RIN2: variants seen among roughly 807,000 people sequenced by gnomAD.
RIN2 encodes Ras and Rab interactor 2.
Under a neutral mutation model 78.0 loss-of-function variants are expected in RIN2, and 36 were observed. That is an observed-to-expected ratio of 0.46 (90% CI 0.35 to 0.61). The LOEUF (loss-of-function observed/expected upper bound fraction) is 0.61. Among genes scored for constraint, RIN2 ranks in the 20% least tolerant of loss-of-function variants. RIN2 has a pLI of 0.00. For missense variants in RIN2, 1,087 were observed against 1,159.7 expected, an observed-to-expected ratio of 0.94 and a Z score of 0.91; for synonymous variants, 466 against 466.8, an observed-to-expected ratio of 1.00 and a Z score of 0.02.
intron 1 of RIN2, among the ~76,000 whole-genome samples, chr20:19,768,295 G>C (rs1432160965): frequency 6.6e-6 from 1 of 152,262 alleles, no homozygotes; most frequent in African/African-American, 2.4e-5. Context: ...AAACAGGAGA[G>C]TGGGGAAAGG....
chr20:19,956,917 A>C lies in RIN2; in HGVS notation c.351+110A>C, dbSNP rs1288386753. The C allele has an allele frequency of 1.1e-5, 9 of 853,598 alleles. No homozygotes were observed. In the South Asian group the frequency reaches 1.5e-4, roughly 14 times the overall value. The allele number at this position is 853,598 out of a possible 1,614,324, so 52.9% of individuals were successfully genotyped here. A position where few individuals can be genotyped will look rare whatever the true frequency, so the allele number is the denominator to read the frequency against. On this transcript the variant is annotated intron_variant, in intron 5 of 12. Transcript: ENST00000255006. ...AATTTCTTCCTAGCTTGTAAGGAGCATGTCTCTTGATGTGTAACTGGTTTT... is the reference window on the plus strand; with the variant it reads ...AATTTCTTCCTAGCTTGTAAGGAGCCTGTCTCTTGATGTGTAACTGGTTTT...
At chr20:19,873,762 C>A (rs1297223754) in intron 2 of RIN2, among the ~76,000 whole-genome samples, 1 of 152,164 alleles carries the variant, frequency 6.6e-6, no homozygotes, top group African/African-American at 2.4e-5. Context: ...GGGCAACATT[C>A]ATCTGCATTA....
At chr20:19,909,156 G>A (rs1007244649) in intron 3 of RIN2, among the ~76,000 whole-genome samples, 3 of 152,054 alleles carry the variant, frequency 2.0e-5, no homozygotes, top group South Asian at 2.1e-4. Context: ...GAGCCACCGC[G>A]CCCAGTCTGC....
At chr20:19,814,958 C>A (rs1232167645) in intron 2 of RIN2, among the ~76,000 whole-genome samples, 1 of 152,098 alleles carries the variant, frequency 6.6e-6, no homozygotes, top group South Asian at 2.1e-4. Context: ...AAATCCTATC[C>A]AAATATTAAT....
chr20:19,914,091 A>T (rs1384991175), intron 3 of RIN2, among the ~76,000 whole-genome samples: 3 of 152,234 alleles, frequency 2.0e-5, no homozygotes, highest in South Asian at 2.1e-4. Context: ...GGTGGCTTTA[A>T]TAACAGTATT....
intron 1 of RIN2, among the ~76,000 whole-genome samples, chr20:19,781,298 T>A (rs2034496070): frequency 6.6e-6 from 1 of 152,160 alleles, no homozygotes; most frequent in Admixed American, 6.5e-5. Context: ...AGTGACTACA[T>A]GTTGTAAGGA....
At chr20:19,882,615 G>T (rs562952570) in intron 2 of RIN2, among the ~76,000 whole-genome samples, 1 of 152,310 alleles carries the variant, frequency 6.6e-6, no homozygotes, top group Non-Finnish European at 1.5e-5. Context: ...GGATTCTGTG[G>T]ATTACGGGCT....
At chr20:19,999,852 A>T (rs2043088123) in intron 12 of RIN2, among the ~76,000 whole-genome samples, 1 of 152,198 alleles carries the variant, frequency 6.6e-6, no homozygotes, top group Non-Finnish European at 1.5e-5. Context: ...CAAAATCAAC[A>T]TTCTTCTCCT....
At position 19,935,290 on chromosome 20, in the gene RIN2, A is replaced by C. The variant is rs1198453707; in HGVS notation, c.158+91A>C. The C allele has an allele frequency of 3.8e-6, 5 of 1,315,672 alleles. No homozygotes were observed. In the Admixed American group the frequency reaches 1.2e-4, roughly 32 times the overall value. 81.5% of individuals were successfully genotyped at this position (1,315,672 alleles called of 1,614,324 possible). On this transcript the variant is annotated intron_variant, in intron 4 of 12. Coordinates refer to ENST00000255006, the MANE Select transcript of RIN2 (RefSeq NM_018993.4). ...GGGCTGACTTGCAGTCACTCCTCAGAAGTCTGGGAGCTGGGAGTGTGGTAG... is the reference window on the plus strand; with the variant it reads ...GGGCTGACTTGCAGTCACTCCTCAGCAGTCTGGGAGCTGGGAGTGTGGTAG...
chr20:19,810,656 G>T (rs1404153972), intron 2 of RIN2, among the ~76,000 whole-genome samples: 3 of 136,620 alleles, frequency 2.2e-5, no homozygotes, highest in Non-Finnish European at 1.6e-5. Flanking sequence ...TCTTATTGAA[G>T]TTTGATCATG....
intron 1 of RIN2, among the ~76,000 whole-genome samples, chr20:19,762,768 A>G (rs1369522638): frequency 6.6e-6 from 1 of 151,900 alleles, no homozygotes; most frequent in East Asian, 1.9e-4. Context: ...TTATTTATTT[A>G]TTTATTTATT....
At chr20:19,970,709 C>T (rs923512931) in intron 7 of RIN2, 129 bp from the exon 8 acceptor site, 19 of 707,050 alleles carry the variant, frequency 2.7e-5, no homozygotes, top group East Asian at 1.4e-4. Context: ...ATAACTTTGT[C>T]GATATGGTAT....
At chr20:19,776,857 C>G (rs1007229138) in intron 1 of RIN2, among the ~76,000 whole-genome samples, 1 of 152,090 alleles carries the variant, frequency 6.6e-6, no homozygotes, top group African/African-American at 2.4e-5. Context: ...TTGATTATGT[C>G]TTAGATGTAT....
At chr20:19,968,701 TAAA>T (rs2042013733) in intron 7 of RIN2, among the ~76,000 whole-genome samples, 1 of 152,228 alleles carries the variant, frequency 6.6e-6, no homozygotes, top group African/African-American at 2.4e-5. Flanking sequence ...AAGCTTAATA[TAAA>T]CACAGGTTGG....
At chr20:19,828,769 A>T (rs1010552498) in intron 2 of RIN2, among the ~76,000 whole-genome samples, 1 of 152,140 alleles carries the variant, frequency 6.6e-6, no homozygotes, top group Non-Finnish European at 1.5e-5. Context: ...ATTCCCTGTG[A>T]TCTTGCTGAC....
chr20:19,995,141 G>T (rs1310777383), intron 11 of RIN2, among the ~76,000 whole-genome samples: 1 of 151,744 alleles, frequency 6.6e-6, no homozygotes, highest in African/African-American at 2.4e-5. Flanking sequence ...CTTCTGCAGG[G>T]TCTCACATGA....
intron 2 of RIN2, among the ~76,000 whole-genome samples, chr20:19,826,690 A>C (rs1012081550): frequency 1.3e-5 from 2 of 152,196 alleles, no homozygotes; most frequent in African/African-American, 4.8e-5. Flanking sequence ...TTCAATCCTT[A>C]TCCTGGTTTA....
intron 2 of RIN2, among the ~76,000 whole-genome samples, chr20:19,839,359 C>T (rs1419879653): frequency 6.6e-6 from 1 of 152,222 alleles, no homozygotes; most frequent in Non-Finnish European, 1.5e-5. Context: ...CTTTCATGGG[C>T]TAGATCCGCC....
chr20:19,895,385 C>T (rs535307152), intron 3 of RIN2, among the ~76,000 whole-genome samples: 115 of 152,262 alleles, frequency 7.6e-4, no homozygotes, highest in African/African-American at 2.5e-3. Flanking sequence ...AATTTCTTAC[C>T]GGCATACCTT....
Sources: gnomAD v4.1 joint callset for allele counts (sites outside exome capture counted in the v4.1 genomes callset) on GRCh38, gnomAD v4.1.1 for gene constraint, MANE v1.5 for transcripts, NCBI Gene and HGNC (gene_info 2026-07-23, HGNC 2026-07-21) for gene names.